Variants in ADGRV1 observed in about 807,000 individuals in gnomAD.
ADGRV1 encodes the protein G-protein coupled receptor 98.
Under a neutral mutation model 596.2 loss-of-function variants are expected in ADGRV1, and 359 were observed. The observed-to-expected ratio is 0.60, with a 90% CI of 0.55 to 0.66. ADGRV1 has a LOEUF of 0.66. Among genes scored for constraint, ADGRV1 ranks in the 30% least tolerant of loss-of-function variants. The pLI is 0.00. For synonymous variants in ADGRV1, 2,681 were observed against 2,679.2 expected, an observed-to-expected ratio of 1.00 and a Z score of -0.02; for missense variants, 7,274 against 7,575.6, an observed-to-expected ratio of 0.96 and a Z score of 1.48.
At chr5:91,108,029 A>G (rs983992798) in intron 87 of ADGRV1, among the ~76,000 whole-genome samples, 16 of 152,208 alleles carry the variant, frequency 1.1e-4, no homozygotes, top group African/African-American at 3.9e-4. Flanking sequence ...AATTCAATCC[A>G]GGTGACATTA....
chr5:91,141,807 C>A (rs1196127413), intron 87 of ADGRV1, among the ~76,000 whole-genome samples: 1 of 152,258 alleles, frequency 6.6e-6, no homozygotes, highest in Admixed American at 6.5e-5. Flanking sequence ...ACAAAGACTT[C>A]CCAGGGGTGT....
At chr5:90,739,748 G>T (rs115567086) in intron 50 of ADGRV1, among the ~76,000 whole-genome samples, 2 of 152,290 alleles carry the variant, frequency 1.3e-5, no homozygotes, top group African/African-American at 4.8e-5. Context: ...TGGCTGGGAG[G>T]CTGGGTGAGG....
chr5:90,999,972 G>A (rs924257171), intron 85 of ADGRV1, among the ~76,000 whole-genome samples: 2 of 151,960 alleles, frequency 1.3e-5, no homozygotes, highest in African/African-American at 4.8e-5. Context: ...GCAAGGATCT[G>A]CCTACTCTTT....
intron 21 of ADGRV1, among the ~76,000 whole-genome samples, chr5:90,662,221 G>A (rs1444145555): frequency 8.2e-6 from 1 of 121,318 alleles, no homozygotes; most frequent in African/African-American, 3.3e-5. Flanking sequence ...ACGGAGTCAC[G>A]CTCTGTCGCC....
At chr5:90,606,188 C>G (rs1030646344) in intron 1 of ADGRV1, among the ~76,000 whole-genome samples, 1 of 152,172 alleles carries the variant, frequency 6.6e-6, no homozygotes, top group Non-Finnish European at 1.5e-5. Flanking sequence ...TGTGCCTATG[C>G]CATTGTCAGA....
rs186973484 is a variant in ADGRV1 at position 90,726,477 on chromosome 5, C to T, written c.10161+821C>T. 4.3e-4 allele frequency among the ~76,000 whole-genome samples: 66 copies of T among 152,290 alleles called. No homozygotes were observed. The East Asian group carries it at 8.7e-3, about 20-fold the overall frequency. On this transcript the variant is annotated intron_variant, in intron 48 of 89. Coordinates refer to ENST00000405460, the MANE Select transcript of ADGRV1 (RefSeq NM_032119.4). ...TGAAAGAATTTTCTACTTGTTTTGT[C>T]TTTACTTCCCCGTGCTCACCAATGA...
chr5:90,785,173 A>C (rs1056159924), intron 67 of ADGRV1, among the ~76,000 whole-genome samples: 34 of 152,212 alleles, frequency 2.2e-4, no homozygotes, highest in Admixed American at 1.2e-3. Flanking sequence ...CCTATTTAAT[A>C]AATGGTGTTG....
chr5:91,034,962 G>C (rs1220193805), intron 85 of ADGRV1, among the ~76,000 whole-genome samples: 1 of 152,076 alleles, frequency 6.6e-6, no homozygotes, highest in Admixed American at 6.6e-5. Context: ...TGTAGAGACA[G>C]GGTCTTACTC....
chr5:90,766,068 C>T (rs557255410), intron 59 of ADGRV1, among the ~76,000 whole-genome samples: 303 of 152,116 alleles, frequency 2.0e-3, no homozygotes, highest in African/African-American at 7.1e-3. Context: ...CGCCACCACA[C>T]CTGGCTAATT....
At chr5:90,973,975 C>G (rs569912673) in intron 84 of ADGRV1, among the ~76,000 whole-genome samples, 3 of 151,270 alleles carry the variant, frequency 2.0e-5, no homozygotes, top group Admixed American at 6.6e-5. Context: ...CCCAAAATCT[C>G]AAGCTGATAA....
intron 72 of ADGRV1, 29 bp downstream of exon 72, chr5:90,805,487 C>A: frequency 6.6e-7 from 1 of 1,522,932 alleles, no homozygotes. Context: ...AAGATGAGTC[C>A]TGTAGAATAT....
At chr5:90,613,581 G>T (rs1762973643) in intron 1 of ADGRV1, among the ~76,000 whole-genome samples, 1 of 152,088 alleles carries the variant, frequency 6.6e-6, no homozygotes, top group Admixed American at 6.6e-5. Flanking sequence ...CTGGAGAGAA[G>T]GGACAGGTAC....
At chr5:90,710,764 A>C (rs1176002628) in intron 39 of ADGRV1, among the ~76,000 whole-genome samples, 1 of 152,130 alleles carries the variant, frequency 6.6e-6, no homozygotes, top group East Asian at 1.9e-4. Flanking sequence ...CAGTTGATTA[A>C]ATTTCTATAA....
At chr5:90,614,640 C>A in intron 1 of ADGRV1, 195 bp from the exon 2 acceptor site, 2 of 631,576 alleles carry the variant, frequency 3.2e-6, no homozygotes, top group Non-Finnish European at 5.8e-6. Flanking sequence ...AGAAAGAGAA[C>A]CGTAAGAATA....
At chr5:90,689,332 C>CTTTT (rs34756274) in intron 29 of ADGRV1, among the ~76,000 whole-genome samples, 26 of 104,394 alleles carry the variant, frequency 2.5e-4, no homozygotes, top group African/African-American at 2.9e-4. Flanking sequence ...CCCCACCCAC[C>CTTTT]TTTTTTTTTT....
intron 74 of ADGRV1, among the ~76,000 whole-genome samples, chr5:90,811,686 G>A (rs1461244266): frequency 1.3e-5 from 2 of 150,132 alleles, no homozygotes; most frequent in African/African-American, 4.9e-5. Flanking sequence ...GCTACTTTCA[G>A]TAATCCATCC....
intron 61 of ADGRV1, 109 bp downstream of exon 61, chr5:90,776,685 A>G (rs1758276802): frequency 1.6e-6 from 2 of 1,215,762 alleles, no homozygotes; most frequent in Admixed American, 1.8e-5. Flanking sequence ...TCAAGCATTA[A>G]CATTCTATAT....
chr5:91,147,097 G>A (rs1019131455), intron 87 of ADGRV1, among the ~76,000 whole-genome samples: 2 of 151,262 alleles, frequency 1.3e-5, no homozygotes, highest in African/African-American at 4.9e-5. Context: ...AGCCTGGGAG[G>A]CAGGTTGCAC....
intron 87 of ADGRV1, 149 bp downstream of exon 87, chr5:91,102,489 G>C: frequency 1.7e-6 from 1 of 592,034 alleles, no homozygotes; most frequent in South Asian, 4.8e-5. Context: ...AAAATGATAG[G>C]AACCTAAATC....
Sources: gnomAD v4.1 joint callset for allele counts (sites outside exome capture counted in the v4.1 genomes callset) on GRCh38, gnomAD v4.1.1 for gene constraint, MANE v1.5 for transcripts, NCBI Gene and HGNC (gene_info 2026-07-23, HGNC 2026-07-21) for gene names.